Variants in EYS observed in about 807,000 individuals in gnomAD.
EYS encodes the protein protein eyes shut homolog.
EYS carries 250 observed loss-of-function variants against 282.1 expected under a neutral mutation model. That is an observed-to-expected ratio of 0.89 (90% CI 0.80 to 0.98). The LOEUF is 0.98. EYS is among the 50% of genes least tolerant of loss of function. The pLI is 0.00. For synonymous variants in EYS, 1,355 were observed against 1,282.9 expected, an observed-to-expected ratio of 1.06 and a Z score of -1.20; for missense variants, 4,016 against 3,709.0, an observed-to-expected ratio of 1.08 and a Z score of -2.15.
chr6:64,443,625 G>A (rs906957248), intron 26 of EYS, among the ~76,000 whole-genome samples: 1 of 152,158 alleles, frequency 6.6e-6, no homozygotes, highest in Non-Finnish European at 1.5e-5. Context: ...GGTCTTTCCT[G>A]TGCTGTTCTT....
At chr6:64,614,911 A>G (rs796381689) in intron 24 of EYS, among the ~76,000 whole-genome samples, 5 of 152,244 alleles carry the variant, frequency 3.3e-5, no homozygotes, top group African/African-American at 1.2e-4. Flanking sequence ...GACCGCCTAT[A>G]CTGTGCTCTG....
intron 35 of EYS, among the ~76,000 whole-genome samples, chr6:63,968,610 G>A (rs1019445504): frequency 6.6e-6 from 1 of 152,274 alleles, no homozygotes; most frequent in Non-Finnish European, 1.5e-5. Context: ...TTAGCTATGC[G>A]ATCTGCAGTT....
intron 31 of EYS, among the ~76,000 whole-genome samples, chr6:64,142,632 CATG>C (rs903956814): frequency 5.3e-5 from 8 of 152,138 alleles, no homozygotes; most frequent in Non-Finnish European, 1.5e-5. Flanking sequence ...GGAAAGGAGT[CATG>C]ATCAACCTTA....
At chr6:65,615,766 C>A (rs939640720) in intron 2 of EYS, among the ~76,000 whole-genome samples, 3 of 151,836 alleles carry the variant, frequency 2.0e-5, no homozygotes, top group Non-Finnish European at 4.4e-5. Flanking sequence ...AACCCTGTCT[C>A]TACTAAAAAT....
At chr6:64,344,576 A>G (rs1582630229) in intron 29 of EYS, among the ~76,000 whole-genome samples, 1 of 152,134 alleles carries the variant, frequency 6.6e-6, no homozygotes, top group Admixed American at 6.6e-5. Context: ...TCTATGACAA[A>G]CCCACAGCCA....
intron 11 of EYS, among the ~76,000 whole-genome samples, chr6:65,321,484 T>C (rs921258071): frequency 9.9e-5 from 15 of 152,154 alleles, no homozygotes; most frequent in African/African-American, 3.6e-4. Context: ...GTGTCACTGA[T>C]GGGAACAGAC....
intron 35 of EYS, among the ~76,000 whole-genome samples, chr6:63,972,621 A>G (rs187233287): frequency 3.7e-4 from 57 of 152,220 alleles, no homozygotes; most frequent in Non-Finnish European, 4.7e-4. Flanking sequence ...TACATGTGCC[A>G]TGGTGGTTTG....
chr6:64,061,901 A>G (rs1439403384), intron 33 of EYS, among the ~76,000 whole-genome samples: 1 of 151,920 alleles, frequency 6.6e-6, no homozygotes, highest in Non-Finnish European at 1.5e-5. Flanking sequence ...GAGGCAGGAG[A>G]ATCACTTGAA....
At chr6:63,806,444 G>C in intron 36 of EYS, 72 bp from the exon 37 acceptor site, 1 of 1,307,910 alleles carries the variant, frequency 7.6e-7, no homozygotes, top group Non-Finnish European at 1.0e-6. Flanking sequence ...GTTACGTTTT[G>C]CTGATGCATC....
intron 12 of EYS, among the ~76,000 whole-genome samples, chr6:65,238,974 C>G (rs1321016396): frequency 1.3e-5 from 2 of 152,000 alleles, no homozygotes; most frequent in African/African-American, 4.8e-5. Context: ...GGATGACAAA[C>G]AGCTGCCATA....
At chr6:64,099,333 T>C (rs1227227171) in intron 31 of EYS, among the ~76,000 whole-genome samples, 1 of 152,228 alleles carries the variant, frequency 6.6e-6, no homozygotes, top group African/African-American at 2.4e-5. Context: ...GTGATCACTT[T>C]ATGAAACCAA....
At chr6:64,295,724 G>T (rs1377801824) in intron 30 of EYS, among the ~76,000 whole-genome samples, 1 of 78,692 alleles carries the variant, frequency 1.3e-5, no homozygotes, top group Non-Finnish European at 2.8e-5. Flanking sequence ...GCCAGACTCC[G>T]TCTCCAAAAA....
At chr6:64,841,800 G>T (rs1765571305) in intron 19 of EYS, among the ~76,000 whole-genome samples, 1 of 152,074 alleles carries the variant, frequency 6.6e-6, no homozygotes, top group South Asian at 2.1e-4. Flanking sequence ...GTGAATCAGG[G>T]ATTTTAGTTT....
chr6:64,529,246 C>G (rs546541075), intron 26 of EYS, among the ~76,000 whole-genome samples: 45 of 152,164 alleles, frequency 3.0e-4, no homozygotes, highest in Admixed American at 2.9e-3. Context: ...TTGTAGTTCT[C>G]CAAGTATGCC....
At chr6:64,359,717 G>C (rs942809797) in intron 29 of EYS, among the ~76,000 whole-genome samples, 1 of 151,688 alleles carries the variant, frequency 6.6e-6, no homozygotes, top group Non-Finnish European at 1.5e-5. Flanking sequence ...GTCCTCAAAT[G>C]GTTGAAGGAG....
chr6:63,953,062 C>G (rs566253592), intron 35 of EYS, among the ~76,000 whole-genome samples: 2 of 152,150 alleles, frequency 1.3e-5, no homozygotes, highest in Admixed American at 1.3e-4. Context: ...CCTGTGGTGC[C>G]CAACCCATAC....
At chr6:65,025,278 C>T (rs1772372250) in intron 13 of EYS, among the ~76,000 whole-genome samples, 1 of 152,042 alleles carries the variant, frequency 6.6e-6, no homozygotes, top group Non-Finnish European at 1.5e-5. Flanking sequence ...CAGCTAATGT[C>T]AAAACTGGAG....
chr6:63,793,134 G>C (rs555436478), intron 37 of EYS, among the ~76,000 whole-genome samples: 28 of 152,154 alleles, frequency 1.8e-4, no homozygotes, highest in Non-Finnish European at 3.5e-4. Flanking sequence ...CAGGAAGAAG[G>C]GAGTGGTGGT....
At chr6:64,761,948 G>A (rs555794630) in intron 22 of EYS, among the ~76,000 whole-genome samples, 11 of 152,144 alleles carry the variant, frequency 7.2e-5, no homozygotes, top group African/African-American at 1.4e-4. Context: ...GTTTCAATTC[G>A]ATAGGAGAAA....
Sources: gnomAD v4.1 joint callset for allele counts (sites outside exome capture counted in the v4.1 genomes callset) on GRCh38, gnomAD v4.1.1 for gene constraint, MANE v1.5 for transcripts, NCBI Gene and HGNC (gene_info 2026-07-23, HGNC 2026-07-21) for gene names.